The following SEC31A variants were observed in gnomAD, a reference collection of about 807,000 sequenced individuals.
SEC31A encodes SEC31 homolog A, COPII component.
In SEC31A, 70 loss-of-function variants were observed where a neutral mutation model predicts 151.0. That is an observed-to-expected ratio of 0.46 (90% CI 0.38 to 0.57). The LOEUF is 0.57. Ranked by LOEUF, SEC31A falls within the 20% of genes least tolerant of loss-of-function variation. SEC31A has a pLI of 0.00. For synonymous variants in SEC31A, 475 were observed against 505.9 expected (o/e 0.94, Z 0.82); for missense variants, 1,330 against 1,471.2 (o/e 0.90, Z 1.57).
At chr4:82,875,361 G>A (rs539620613) in intron 5 of SEC31A, among the ~76,000 whole-genome samples, 4 of 152,300 alleles carry the variant, frequency 2.6e-5, no homozygotes, top group African/African-American at 9.6e-5. Flanking sequence ...TCTTGTCTAA[G>A]TGTGTTTTAA....
chr4:82,891,523 A>T (rs1445440778), upstream of SEC31A, among the ~76,000 whole-genome samples: 1 of 152,232 alleles, frequency 6.6e-6, no homozygotes. Flanking sequence ...TAGTCCTGTG[A>T]GGCGTCGGCA....
At chr4:82,889,381 C>T (rs1273854574) in intron 1 of SEC31A, among the ~76,000 whole-genome samples, 2 of 151,852 alleles carry the variant, frequency 1.3e-5, no homozygotes, top group Admixed American at 6.6e-5. Context: ...GTGAGACCCC[C>T]ATCTCTATAA....
intron 20 of SEC31A, among the ~76,000 whole-genome samples, chr4:82,847,722 T>C (rs1226856037): frequency 6.6e-6 from 1 of 152,172 alleles, no homozygotes; most frequent in Non-Finnish European, 1.5e-5. Context: ...CTAAGTCTAG[T>C]GCAATCTCCA....
At chr4:82,868,493 C>T (rs1051011442) in intron 8 of SEC31A, among the ~76,000 whole-genome samples, 4 of 148,470 alleles carry the variant, frequency 2.7e-5, no homozygotes, top group African/African-American at 9.9e-5. Context: ...ACAGCAAGAC[C>T]CTGACAAAAA....
rs1418736272 is a variant in SEC31A at position 82,824,597 on chromosome 4, A to G, written c.3369T>C (p.Phe1123=). 3 of 1,614,000 alleles carry G rather than the reference A, an allele frequency of 1.9e-6. No individual in the cohort carries two copies. In the African/African-American group the frequency reaches 4.0e-5, roughly 22 times the overall value. Residue 1123 remains phenylalanine (F), a synonymous_variant, in exon 25 of 27, where the codon TTT becomes TTC. Coordinates refer to ENST00000395310, the MANE Select transcript of SEC31A (RefSeq NM_001077207.4). The part of the protein sequence containing the change: ...PDEHLILKTT[F]EDLIQRCLSS... The stretch of plus-strand genomic sequence containing the variant: ...AAAGGCAGCGCTGAATAAGATCCTC[A>G]AATGTGGTCTTTAGAATGAGGTGCT...
At chr4:82,832,135 T>C (rs746911993) in intron 22 of SEC31A, among the ~76,000 whole-genome samples, 37 of 152,186 alleles carry the variant, frequency 2.4e-4, no homozygotes, top group Non-Finnish European at 3.4e-4. Flanking sequence ...GCTGGAGGCA[T>C]CATGCTACTT....
chr4:82,876,596 C>A (rs374121495), intron 4 of SEC31A, among the ~76,000 whole-genome samples: 87 of 152,324 alleles, frequency 5.7e-4, no homozygotes, highest in African/African-American at 1.9e-3. Context: ...TGAATCAATA[C>A]AGCACTAGTA....
intron 22 of SEC31A, among the ~76,000 whole-genome samples, chr4:82,832,160 C>A (rs566929673): frequency 6.6e-6 from 1 of 152,322 alleles, no homozygotes. Flanking sequence ...TCAAACATTA[C>A]TACAAGGCTA....
chr4:82,845,267 G>C (rs1186133210), intron 20 of SEC31A: 1 of 1,532,530 alleles, frequency 6.5e-7, no homozygotes, highest in Non-Finnish European at 8.7e-7. Context: ...TGTTACTCCA[G>C]GTAGTGACAG....
intron 22 of SEC31A, among the ~76,000 whole-genome samples, chr4:82,829,725 C>G (rs1725490859): frequency 6.6e-6 from 1 of 151,646 alleles, no homozygotes; most frequent in Non-Finnish European, 1.5e-5. Context: ...AAAATATTAC[C>G]AACTGTAGTA....
At position 82,842,480 on chromosome 4, in the gene SEC31A, A is replaced by C. The variant is rs769571820; in HGVS notation, c.2628T>G (p.Pro876=). The change falls in exon 22 of 27, where the codon CCT becomes CCG. Residue 876 remains proline, a splice_region_variant and synonymous_variant. Coordinates refer to ENST00000395310, the MANE Select transcript of SEC31A (RefSeq NM_001077207.4). ...TQVPPYPQPQ[P]YQPAQPYPFG... is the part of the protein sequence containing the mutation. ...AGGGATACGGCTGGGCTGGTTGATA[A>C]GCTACACCAAGGAGAAGAAACAGAA... 6.2e-7 allele frequency: 1 copy of C among 1,604,358 alleles called. No homozygotes were observed. Among genetic ancestry groups the C allele is most frequent in the Admixed American group, 1.7e-5 (1 of 58,294 alleles).
At chr4:82,824,863 T>C (rs773034288) in intron 24 of SEC31A, among the ~76,000 whole-genome samples, 189 bp from the exon 25 acceptor site, 2 of 152,148 alleles carry the variant, frequency 1.3e-5, no homozygotes, top group Non-Finnish European at 2.9e-5. Context: ...GTACAAAGTG[T>C]AGGCGCTCTT....
At chr4:82,858,481 T>C (rs898923598) in intron 14 of SEC31A, among the ~76,000 whole-genome samples, 3 of 140,068 alleles carry the variant, frequency 2.1e-5, no homozygotes, top group South Asian at 2.4e-4. Context: ...GAGGCGGAGG[T>C]TGCAGTGAGT....
Position 82,857,767 on chromosome 4 carries a change from A to ACC in SEC31A, c.1627-4_1627-3insGG, listed in dbSNP as rs773786320. 42 of 1,577,600 alleles carry ACC rather than the reference A, an allele frequency of 2.7e-5. No homozygotes were observed. The highest frequency in any genetic ancestry group is 3.5e-5 in the Non-Finnish European group (40 of 1,152,282). ...TCTTCTTTTTCCTCTTTAATGTGCT[A>ACC]AAGAGATGAAAAAAGCAACAATTTA... is the stretch of plus-strand genomic sequence containing the variant. On this transcript the variant is annotated splice_polypyrimidine_tract_variant and splice_region_variant and intron_variant, in intron 14 of 26. Transcript: ENST00000395310.
At chr4:82,846,568 T>C (rs966429507) in intron 20 of SEC31A, among the ~76,000 whole-genome samples, 2 of 151,764 alleles carry the variant, frequency 1.3e-5, no homozygotes, top group African/African-American at 4.8e-5. Flanking sequence ...GACCAACCCC[T>C]CCTCTTCAGC....
At chr4:82,878,678 T>C (rs1314318795) in intron 4 of SEC31A, 52 bp downstream of exon 4, 1 of 1,478,442 alleles carries the variant, frequency 6.8e-7, no homozygotes, top group Non-Finnish European at 9.4e-7. Context: ...CATATACTGA[T>C]TTCAAATGAG....
At chr4:82,844,068 A>G (rs991791814) in intron 21 of SEC31A, 37 of 333,960 alleles carry the variant, frequency 1.1e-4, no homozygotes, top group Non-Finnish European at 1.6e-4. Context: ...AAGAAAAAGA[A>G]TATGTAAAAA....
intron 11 of SEC31A, among the ~76,000 whole-genome samples, 160 bp downstream of exon 11, chr4:82,864,202 G>A (rs925730665): frequency 6.6e-6 from 1 of 152,066 alleles, no homozygotes; most frequent in Admixed American, 6.6e-5. Context: ...CTGGACATAA[G>A]TTAGGTTGTA....
At chr4:82,886,252 A>G (rs564943609) in intron 1 of SEC31A, among the ~76,000 whole-genome samples, 1 of 152,378 alleles carries the variant, frequency 6.6e-6, no homozygotes. Flanking sequence ...GGCAGGATGT[A>G]TCACATGGTT....
Sources: allele counts gnomAD v4.1 joint callset (sites outside exome capture counted in the v4.1 genomes callset), GRCh38; gene constraint gnomAD v4.1.1; transcripts MANE v1.5; gene names NCBI Gene and HGNC (gene_info 2026-07-23, HGNC 2026-07-21).